The following MGAT4C variants were observed in gnomAD, a reference collection of about 807,000 sequenced individuals.
MGAT4C encodes alpha-1,3-mannosyl-glycoprotein 4-beta-N-acetylglucosaminyltransferase C.
MGAT4C carries 19 observed loss-of-function variants against 40.1 expected under a neutral mutation model. The observed-to-expected ratio is 0.47, with a 90% confidence interval of 0.33 to 0.70. The LOEUF (loss-of-function observed/expected upper bound fraction) is 0.70. Ranked by LOEUF, MGAT4C falls within the 30% of genes least tolerant of loss-of-function variation. The pLI, the probability that MGAT4C is intolerant of heterozygous loss-of-function variation, is 0.02. For missense variants in MGAT4C, 491 were observed against 563.2 expected (o/e 0.87, Z 1.30); for synonymous variants, 181 against 187.1 (o/e 0.97, Z 0.27).
chr12:86,354,926 C>T (rs1241607049), intron 3 of MGAT4C, among the ~76,000 whole-genome samples: 2 of 152,190 alleles, frequency 1.3e-5, no homozygotes, highest in African/African-American at 2.4e-5. Flanking sequence ...AACAAAGTTT[C>T]CACAGCATGG....
intron 1 of MGAT4C, among the ~76,000 whole-genome samples, chr12:86,101,038 A>G (rs1198837967): frequency 6.6e-6 from 1 of 151,606 alleles, no homozygotes; most frequent in Non-Finnish European, 1.5e-5. Context: ...TTTTCTATTC[A>G]CTTCTCAACT....
At chr12:86,547,311 C>A (rs367687889) in intron 2 of MGAT4C, among the ~76,000 whole-genome samples, 1 of 151,928 alleles carries the variant, frequency 6.6e-6, no homozygotes, top group Admixed American at 6.6e-5. Flanking sequence ...TTTCCTCCCC[C>A]CTTCCTCTTC....
chr12:86,074,535 A>C (rs1427720096), intron 1 of MGAT4C, among the ~76,000 whole-genome samples: 2 of 152,148 alleles, frequency 1.3e-5, no homozygotes, highest in African/African-American at 4.8e-5. Flanking sequence ...AAACTCTTCT[A>C]TGTCTCTTAC....
chr12:86,450,519 A>G (rs1278492697), intron 2 of MGAT4C, among the ~76,000 whole-genome samples: 1 of 151,890 alleles, frequency 6.6e-6, no homozygotes, highest in Non-Finnish European at 1.5e-5. Flanking sequence ...CCATAGTTCA[A>G]TTTTCCAATT....
rs911918901 is a variant in MGAT4C at position 86,061,676 on chromosome 12, A to C, written c.-56-11953T>G. Among the ~76,000 whole-genome samples, 4 of 151,940 alleles carry C rather than the reference A, an allele frequency of 2.6e-5. No individual in the cohort carries two copies. The East Asian group carries it at 7.8e-4, about 29-fold the overall frequency. On this transcript the variant is annotated intron_variant, in intron 1 of 4. Coordinates refer to ENST00000611864, the MANE Select transcript of MGAT4C (RefSeq NM_001351288.2). Reference sequence around the variant, plus strand: ...GTCTGAGGTCAACCTGGGATGCTCGAGCTTGGTGAGGGAAGGGGCATCCGC... The same window carrying C: ...GTCTGAGGTCAACCTGGGATGCTCGCGCTTGGTGAGGGAAGGGGCATCCGC...
intron 3 of MGAT4C, among the ~76,000 whole-genome samples, chr12:86,367,806 A>G (rs1280246302): frequency 6.9e-6 from 1 of 144,234 alleles, no homozygotes; most frequent in African/African-American, 2.8e-5. Flanking sequence ...TCTCAAAAAA[A>G]CAAACAAACA....
intron 2 of MGAT4C, among the ~76,000 whole-genome samples, chr12:86,473,037 C>T (rs190507217): frequency 6.6e-6 from 1 of 152,084 alleles, no homozygotes; most frequent in African/African-American, 2.4e-5. Flanking sequence ...CTCACTGCAT[C>T]CTCCGCCTCC....
intron 1 of MGAT4C, among the ~76,000 whole-genome samples, chr12:86,066,248 C>T (rs1337969433): frequency 3.3e-5 from 5 of 152,060 alleles, no homozygotes; most frequent in Non-Finnish European, 5.9e-5. Context: ...GCCCACATAG[C>T]CAAGACAATC....
At chr12:86,106,666 T>C (rs1275302369) in intron 1 of MGAT4C, among the ~76,000 whole-genome samples, 6 of 152,082 alleles carry the variant, frequency 3.9e-5, no homozygotes, top group African/African-American at 7.2e-5. Flanking sequence ...CTTTTTTTTT[T>C]CCTCTGAGTG....
intron 2 of MGAT4C, among the ~76,000 whole-genome samples, chr12:86,709,768 C>A (rs928790550): frequency 3.6e-4 from 54 of 152,006 alleles, no homozygotes; most frequent in African/African-American, 1.2e-3. Flanking sequence ...CTAAAGGGAC[C>A]TTGAGAGTCT....
At position 86,609,287 on chromosome 12, in the gene MGAT4C, G is replaced by A. The variant is rs939571760; in HGVS notation, c.-229+117922C>T. Among the ~76,000 whole-genome samples the A allele has an allele frequency of 5.9e-5, 9 of 152,004 alleles. 1 individual carries two copies. The highest frequency in any genetic ancestry group is 1.5e-5 in the Non-Finnish European group (1 of 68,000). ...GACATGACTGTTTGCAAAGTTAAAC[G>A]TGAAGACCATGACAGGGGGAAAGGA... On this transcript the variant is annotated intron_variant, in intron 2 of 7. Transcript: ENST00000548651.
rs368181685 is a variant in MGAT4C, at chr12:86,198,084, T to TCC, written c.-57+58154_-57+58155insGG. 1.2e-3 allele frequency among the ~76,000 whole-genome samples: 190 copies of TCC among 152,312 alleles called. 1 individual carries two copies. The highest frequency in any genetic ancestry group is 4.3e-3 in the African/African-American group (179 of 41,570). ...ATCAGAATTTTTGGAATACTTCATT[T>TCC]TAAATCATGCATATTCAGAACACTG... On this transcript the variant is annotated intron_variant, in intron 1 of 4. Transcript: ENST00000611864.
intron 2 of MGAT4C, among the ~76,000 whole-genome samples, chr12:86,635,155 C>T (rs779711442): frequency 4.6e-5 from 7 of 152,214 alleles, no homozygotes; most frequent in Non-Finnish European, 5.9e-5. Context: ...TCTTTTTCTG[C>T]ACCACTGATC....
At chr12:86,730,287 G>A (rs1408894589) in intron 1 of MGAT4C, among the ~76,000 whole-genome samples, 3 of 152,012 alleles carry the variant, frequency 2.0e-5, no homozygotes, top group Non-Finnish European at 2.9e-5. Context: ...GAAAGGGCCA[G>A]AGAAAAGGGA....
At chr12:86,795,128 T>G (rs1365279380) in intron 1 of MGAT4C, among the ~76,000 whole-genome samples, 1 of 151,982 alleles carries the variant, frequency 6.6e-6, no homozygotes, top group Non-Finnish European at 1.5e-5. Context: ...ACCATTTAAT[T>G]TTTAAGTCTG....
intron 1 of MGAT4C, among the ~76,000 whole-genome samples, chr12:86,111,063 G>T (rs1388468196): frequency 1.3e-5 from 2 of 151,632 alleles, no homozygotes; most frequent in Non-Finnish European, 3.0e-5. Flanking sequence ...TTTATTTTAT[G>T]AATTTAATAA....
chr12:86,465,658 G>T (rs1014835644), intron 2 of MGAT4C, among the ~76,000 whole-genome samples: 17 of 152,100 alleles, frequency 1.1e-4, no homozygotes, highest in Non-Finnish European at 1.3e-4. Flanking sequence ...TTTGGAAACT[G>T]CAAAATTAAA....
At chr12:86,093,072 C>T (rs769502865) in intron 1 of MGAT4C, among the ~76,000 whole-genome samples, 12 of 152,034 alleles carry the variant, frequency 7.9e-5, no homozygotes, top group African/African-American at 1.2e-4. Context: ...GCCAATCACC[C>T]TCTTAACCTC....
intron 1 of MGAT4C, among the ~76,000 whole-genome samples, chr12:86,809,539 G>C (rs570362168): frequency 6.6e-6 from 1 of 151,256 alleles, no homozygotes; most frequent in South Asian, 2.1e-4. Flanking sequence ...ATCTTCCCCT[G>C]CATTTGGTAT....
Sources: gnomAD v4.1 joint callset for allele counts (sites outside exome capture counted in the v4.1 genomes callset) on GRCh38, gnomAD v4.1.1 for gene constraint, MANE v1.5 for transcripts, NCBI Gene and HGNC (gene_info 2026-07-23, HGNC 2026-07-21) for gene names.